Variants in TIGD7 observed in about 807,000 individuals in gnomAD.
TIGD7 encodes the protein tigger transposable element derived 7.
TIGD7 carries 26 observed loss-of-function variants against 24.8 expected under a neutral mutation model. That is an observed-to-expected ratio of 1.05 (90% CI 0.77 to 1.45). TIGD7 has a LOEUF of 1.45. Ranked by LOEUF, TIGD7 falls within the 40% of genes most tolerant of loss-of-function variation. TIGD7 has a pLI of 0.00. For missense variants in TIGD7, 679 were observed against 641.6 expected, an observed-to-expected ratio of 1.06 and a Z score of -0.63; for synonymous variants, 221 against 224.1, an observed-to-expected ratio of 0.99 and a Z score of 0.12.
rs114688859 is a variant in TIGD7, at chr16:3,300,396, C to T, written c.219G>A (p.Thr73=). The T allele has an allele frequency of 8.7e-4, 1,402 of 1,614,184 alleles. 16 individuals are homozygous for T. The African/African-American group carries it at 0.016, about 19-fold the overall frequency. Residue 73 remains threonine (T), a synonymous_variant, in exon 2 of 2, where the codon ACG becomes ACA. Transcript: ENST00000396862. ...CATCTACATCACCATATTTGGCTCC[C>T]GTTGTCCTCTTTCTCTTCTCAGCCC... ...LVGAEKRKRT[T]GAKYGDVDDA...
chr16:3,299,587 C>A lies in TIGD7; in HGVS notation c.1028G>T (p.Arg343Ile). The change falls in exon 2 of 2, where the codon AGA becomes ATA. Residue 343 changes from arginine (R) to isoleucine (I), a missense_variant. Physicochemically the swap from Arg to Ile is moderately conservative, Grantham distance 97. Transcript: ENST00000396862. ...AAGACTCTCTTCAAGTTGCTTCCAT[C>A]TATACAGCCGTTTGCAGCTCAAGAT... The part of the protein sequence containing the change: ...GVILSCKRLY[R>I]WKQLEESLVI... 2 of 1,550,214 alleles carry A rather than the reference C, an allele frequency of 1.3e-6. No individual in the cohort carries two copies. Among genetic ancestry groups the A allele is most frequent in the Non-Finnish European group, 1.7e-6 (2 of 1,154,170 alleles).
chr16:3,300,243 A>G lies in TIGD7; in HGVS notation c.372T>C (p.Gly124=). 2 of 1,614,226 alleles carry G rather than the reference A, an allele frequency of 1.2e-6. No homozygotes were observed. The highest frequency in any genetic ancestry group is 2.2e-5 in the South Asian group (2 of 91,086). The change falls in exon 2 of 2, where the codon GGT becomes GGC. Residue 124 remains glycine (G), a synonymous_variant. Transcript: ENST00000396862. ...FGRTDFKAST[G]WLFRFRNRHA... is the part of the protein sequence containing the mutation. ...GCCGATTTCGAAATCTAAAAAGCCA[A>G]CCAGTGCTAGCTTTGAAATCTGTTC...
In TIGD7 at chr16:3,305,229, AC is replaced by A. The variant is rs1440357778; in HGVS notation, c.-1414del. ...ACCCTTACCCGGCGAGGCTCCCGGGACCAAACGCCGCCCGACAGCCACGCAG... is the reference window on the plus strand; with the variant it reads ...ACCCTTACCCGGCGAGGCTCCCGGGACAAACGCCGCCCGACAGCCACGCAG... On this transcript the variant is annotated 5_prime_UTR_variant, in exon 1 of 2. Coordinates refer to ENST00000396862, the MANE Select transcript of TIGD7 (RefSeq NM_033208.4). The A allele has an allele frequency of 6.6e-6, 1 of 152,312 alleles. No individual in the cohort carries two copies. The highest frequency in any genetic ancestry group is 1.9e-4 in the East Asian group (1 of 5,166). The allele number at this position is 152,312 out of a possible 1,614,324, so 9.4% of individuals were successfully genotyped here. A position where few individuals can be genotyped will look rare whatever the true frequency, so the allele number is the denominator to read the frequency against.
In TIGD7 at chr16:3,300,803, CT is replaced by C; in HGVS notation, c.-190del. 1 of 970,328 alleles carries C rather than the reference CT, an allele frequency of 1.0e-6. No homozygotes were observed. The highest frequency in any genetic ancestry group is 1.4e-6 in the Non-Finnish European group (1 of 699,230). The allele number at this position is 970,328 out of a possible 1,614,324, so 60.1% of individuals were successfully genotyped here. ...GAAGAGCTAGTCTAGAGGTGGAGGT[CT>C]TATGCACTCAGAAAGCTGCCAGTTG... is the stretch of plus-strand genomic sequence containing the variant. On this transcript the variant is annotated 5_prime_UTR_variant, in exon 2 of 2. The change creates a premature stop within an existing upstream ORF in the 5' untranslated region. Transcript: ENST00000396862.
At chr16:3,304,577 C>G (rs935861744) in intron 1 of TIGD7, among the ~76,000 whole-genome samples, 1 of 152,242 alleles carries the variant, frequency 6.6e-6, no homozygotes, top group Non-Finnish European at 1.5e-5. Context: ...AGTCCCTTGA[C>G]TGGTATAAGC....
rs1020656105 is a variant in TIGD7, at chr16:3,299,017, T to A, written c.1598A>T (p.His533Leu). 9.7e-5 allele frequency: 131 copies of A among 1,356,250 alleles called. No individual in the cohort carries two copies. The highest frequency in any genetic ancestry group is 1.3e-4 in the Non-Finnish European group (131 of 1,046,386). 84.0% of individuals were successfully genotyped at this position (1,356,250 alleles called of 1,614,324 possible). Residue 533 changes from histidine (H) to leucine (L), a missense_variant, in exon 2 of 2, where the codon CAT becomes CTT. By Grantham distance (99) the His-to-Leu change is moderately conservative. Coordinates refer to ENST00000396862, the MANE Select transcript of TIGD7 (RefSeq NM_033208.4). Reference protein sequence around the residue: ...RIGSFLKPRPHNIKDSFSGPS... With the variant: ...RIGSFLKPRPLNIKDSFSGPS... ...CCCACTGAAGGAGTCCTTAATATTA[T>A]GAGGCCTAGGTTTCAAAAAGCTACC...
Position 3,299,269 on chromosome 16 carries a change from C to T in TIGD7, c.1346G>A (p.Cys449Tyr). Residue 449 changes from cysteine to tyrosine, a missense_variant, in exon 2 of 2, where the codon TGT becomes TAT. Transcript: ENST00000396862. The part of the protein sequence containing the change: ...VWLNGDEEKG[C>Y]LLKTKGGITK... ...TATTCCACCTTTGGTTTTTAGGAGACAACCCTTTTCTTCATCTCCATTTAA... is the reference window on the plus strand; with the variant it reads ...TATTCCACCTTTGGTTTTTAGGAGATAACCCTTTTCTTCATCTCCATTTAA... 6.2e-7 allele frequency: 1 copy of T among 1,610,910 alleles called. No homozygotes were observed. The highest frequency in any genetic ancestry group is 8.5e-7 in the Non-Finnish European group (1 of 1,179,020).
chr16:3,304,961 G>T (rs1351755949), intron 1 of TIGD7: 1 of 152,172 alleles, frequency 6.6e-6, no homozygotes, highest in African/African-American at 2.4e-5. Flanking sequence ...AGGAGAGATA[G>T]AAAAAGAACC....
Position 3,300,526 on chromosome 16 carries a change from C to T in TIGD7, c.89G>A (p.Ser30Asn), listed in dbSNP as rs1959909947. 6.2e-7 allele frequency: 1 copy of T among 1,613,838 alleles called. No individual in the cohort carries two copies. The highest frequency in any genetic ancestry group is 1.3e-5 in the African/African-American group (1 of 74,972). Residue 30 changes from serine to asparagine, a missense_variant, in exon 2 of 2, where the codon AGT (serine) becomes AAT (asparagine). Coordinates refer to ENST00000396862, the MANE Select transcript of TIGD7 (RefSeq NM_033208.4). ...ACTGATTCCAAATTCATCCATTACACTTTTAAGTGATCGTCCAGCTTCAAT... is the reference window on the plus strand; with the variant it reads ...ACTGATTCCAAATTCATCCATTACATTTTTAAGTGATCGTCCAGCTTCAAT... ...SRIEAGRSLKSVMDEFGISKS... is the reference protein window; with the variant it reads ...SRIEAGRSLKNVMDEFGISKS...
In TIGD7 at chr16:3,301,253, C is replaced by G. The variant is rs1168356223; in HGVS notation, c.-639G>C. Reference sequence around the variant, plus strand: ...CATCTACCTGGATAAGGGCTCCGAGCTACAGGGACCCTGACATTGGGATGT... The same window carrying G: ...CATCTACCTGGATAAGGGCTCCGAGGTACAGGGACCCTGACATTGGGATGT... On this transcript the variant is annotated 5_prime_UTR_variant, in exon 2 of 2. An upstream open reading frame in the 5' UTR loses its in-frame stop. Coordinates refer to ENST00000396862, the MANE Select transcript of TIGD7 (RefSeq NM_033208.4). The G allele has an allele frequency of 1.2e-5, 2 of 167,092 alleles. No individual in the cohort carries two copies. Among genetic ancestry groups the G allele is most frequent in the East Asian group, 1.9e-4 (1 of 5,200 alleles). 10.4% of individuals were successfully genotyped at this position (167,092 alleles called of 1,614,324 possible).
At position 3,300,668 on chromosome 16, in the gene TIGD7, T is replaced by C. The variant is rs1959914503; in HGVS notation, c.-54A>G. 6.6e-7 allele frequency: 1 copy of C among 1,518,118 alleles called. No individual in the cohort carries two copies. The highest frequency in any genetic ancestry group is 1.4e-5 in the African/African-American group (1 of 71,482). The allele number at this position is 1,518,118 out of a possible 1,614,324, so 94.0% of individuals were successfully genotyped here. A position where few individuals can be genotyped will look rare whatever the true frequency, so the allele number is the denominator to read the frequency against. Reference sequence around the variant, plus strand: ...GAGAAAACAAAGGGAAAAGCCTTAATGAATTGGCAAAAAAAAAACCCACAT... The same window carrying C: ...GAGAAAACAAAGGGAAAAGCCTTAACGAATTGGCAAAAAAAAAACCCACAT... On this transcript the variant is annotated 5_prime_UTR_variant, in exon 2 of 2. Coordinates refer to ENST00000396862, the MANE Select transcript of TIGD7 (RefSeq NM_033208.4).
rs539105885 is a variant in TIGD7, at chr16:3,300,672, T to G, written c.-58A>C. ...AAACAAAGGGAAAAGCCTTAATGAA[T>G]TGGCAAAAAAAAAACCCACATTTTT... is the stretch of plus-strand genomic sequence containing the variant. On this transcript the variant is annotated 5_prime_UTR_variant, in exon 2 of 2. Transcript: ENST00000396862. 13 of 1,516,310 alleles carry G rather than the reference T, an allele frequency of 8.6e-6. No individual in the cohort carries two copies. The highest frequency in any genetic ancestry group is 2.8e-5 in the South Asian group (2 of 72,546). 93.9% of individuals were successfully genotyped at this position (1,516,310 alleles called of 1,614,324 possible). A position where few individuals can be genotyped will look rare whatever the true frequency, so the allele number is the denominator to read the frequency against.
intron 1 of TIGD7, among the ~76,000 whole-genome samples, chr16:3,304,264 C>G (rs1960043970): frequency 2.6e-5 from 4 of 152,208 alleles, no homozygotes; most frequent in African/African-American, 9.7e-5. Context: ...TAAAAACGTA[C>G]CTAAGATCTC....
rs1309469904 is a variant in TIGD7, at chr16:3,300,244, C to T, written c.371G>A (p.Gly124Asp). 1.2e-6 allele frequency: 2 copies of T among 1,614,152 alleles called. No individual in the cohort carries two copies. The highest frequency in any genetic ancestry group is 1.7e-6 in the Non-Finnish European group (2 of 1,180,064). Residue 124 changes from glycine (G) to aspartate (D), a missense_variant, in exon 2 of 2, where the codon GGT (glycine) becomes GAT (aspartate). Physicochemically the swap from Gly to Asp is moderately conservative, Grantham distance 94 (BLOSUM62 -1). Transcript: ENST00000396862. The stretch of plus-strand genomic sequence containing the variant: ...CCGATTTCGAAATCTAAAAAGCCAA[C>T]CAGTGCTAGCTTTGAAATCTGTTCG... ...FGRTDFKAST[G>D]WLFRFRNRHA... is the part of the protein sequence containing the mutation.
intron 1 of TIGD7, among the ~76,000 whole-genome samples, chr16:3,302,259 C>G (rs1229386307): frequency 6.6e-6 from 1 of 152,132 alleles, no homozygotes; most frequent in Non-Finnish European, 1.5e-5. Flanking sequence ...TCCTGAGTAG[C>G]TGGGACTACA....
rs372013671 is a variant in TIGD7, at chr16:3,299,273, C to G, written c.1342G>C (p.Gly448Arg). ...CCACCTTTGGTTTTTAGGAGACAAC[C>G]CTTTTCTTCATCTCCATTTAACCAC... is the stretch of plus-strand genomic sequence containing the variant. ...RVWLNGDEEKGCLLKTKGGIT... is the reference protein window; with the variant it reads ...RVWLNGDEEKRCLLKTKGGIT... The change falls in exon 2 of 2, where the codon GGT becomes CGT. Residue 448 changes from glycine (G) to arginine (R), a missense_variant. By Grantham distance (125) the Gly-to-Arg change is moderately radical. Transcript: ENST00000396862. 4.3e-6 allele frequency: 7 copies of G among 1,610,874 alleles called. No homozygotes were observed. In the African/African-American group the frequency reaches 8.0e-5, roughly 18 times the overall value.
intron 1 of TIGD7, among the ~76,000 whole-genome samples, chr16:3,304,265 C>G (rs1960044273): frequency 6.6e-6 from 1 of 152,164 alleles, no homozygotes; most frequent in South Asian, 2.1e-4. Context: ...AAAAACGTAC[C>G]TAAGATCTCA....
rs888885678 is a variant in TIGD7, at chr16:3,300,125, T to G, written c.490A>C (p.Ile164Leu). The change falls in exon 2 of 2, where the codon ATC becomes CTC. Residue 164 changes from isoleucine (I) to leucine (L), a missense_variant. Physicochemically the swap from Ile to Leu is conservative, Grantham distance 5. Coordinates refer to ENST00000396862, the MANE Select transcript of TIGD7 (RefSeq NM_033208.4). ...EPFRQKLSMI[I>L]KEEKLCLAQL... ...GCTAGACACAGTTTCTCCTCTTTGA[T>G]TATCATGGACAGTTTTTGTCGAAAT... 1 of 1,614,098 alleles carries G rather than the reference T, an allele frequency of 6.2e-7. No homozygotes were observed. The highest frequency in any genetic ancestry group is 1.7e-5 in the Admixed American group (1 of 59,998).
Position 3,298,953 on chromosome 16 carries a change from T to C in TIGD7, c.*12A>G, listed in dbSNP as rs762096054. 4 of 1,178,690 alleles carry C rather than the reference T, an allele frequency of 3.4e-6. No homozygotes were observed. The highest frequency in any genetic ancestry group is 3.1e-5 in the African/African-American group (2 of 63,524). The allele number at this position is 1,178,690 out of a possible 1,614,324, so 73.0% of individuals were successfully genotyped here. A position where few individuals can be genotyped will look rare whatever the true frequency, so the allele number is the denominator to read the frequency against. On this transcript the variant is annotated 3_prime_UTR_variant, in exon 2 of 2. Coordinates refer to ENST00000396862, the MANE Select transcript of TIGD7 (RefSeq NM_033208.4). ...TACATCATATAATGGCAGAAATCTT[T>C]AAACACAAAATCTAATGATTAGAAC...
Sources: allele counts gnomAD v4.1 joint callset (sites outside exome capture counted in the v4.1 genomes callset), GRCh38; gene constraint gnomAD v4.1.1; transcripts MANE v1.5; gene names NCBI Gene and HGNC (gene_info 2026-07-23, HGNC 2026-07-21).